The following TDRP variants were observed in gnomAD, a reference collection of about 807,000 sequenced individuals.
TDRP encodes testis development-related protein.
A neutral mutation model predicts 10.5 loss-of-function variants in TDRP; 12 were observed. That is an observed-to-expected ratio of 1.15 (90% CI 0.73 to 1.86). TDRP has a LOEUF of 1.86. TDRP is among the 40% of genes most tolerant of loss of function. The pLI, the probability that TDRP is intolerant of heterozygous loss-of-function variation, is 0.00. For missense variants in TDRP, 353 were observed against 229.2 expected (o/e 1.54, Z -3.49); for synonymous variants, 139 against 95.4 (o/e 1.46, Z -2.67).
At chr8:545,728 C>G (rs1333074341), upstream of TDRP, 1 of 151,112 alleles carries the variant, frequency 6.6e-6, no homozygotes, top group Non-Finnish European at 1.5e-5. Flanking sequence ...TCGCCCAGCC[C>G]TGGTGGGCGG....
At chr8:505,859 C>T (rs531482073) in intron 1 of TDRP, among the ~76,000 whole-genome samples, 2 of 152,132 alleles carry the variant, frequency 1.3e-5, no homozygotes, top group Non-Finnish European at 2.9e-5. Context: ...AAAGTCAGCA[C>T]GTAGGCAGAC....
rs1354372945 is a variant in TDRP, at chr8:490,580, C to G, written c.*1819G>C. The G allele has an allele frequency of 1.3e-5, 2 of 152,190 alleles. No homozygotes were observed. Among genetic ancestry groups the G allele is most frequent in the East Asian group, 3.8e-4 (2 of 5,196 alleles). 9.4% of individuals were successfully genotyped at this position (152,190 alleles called of 1,614,324 possible). A position where few individuals can be genotyped will look rare whatever the true frequency, so the allele number is the denominator to read the frequency against. ...CAAGACCATGTTAGCCAAAAACAAA[C>G]CTACACTGACTTCCGCTGGAAAGTA... On this transcript the variant is annotated 3_prime_UTR_variant, in exon 3 of 3. Transcript: ENST00000324079.
At chr8:536,739 CTA>C (rs1217240288) in intron 1 of TDRP, among the ~76,000 whole-genome samples, 62 of 152,184 alleles carry the variant, frequency 4.1e-4, no homozygotes, top group Middle Eastern at 3.4e-3. Context: ...AAATGTTTTG[CTA>C]TGTTTCAGTG....
chr8:537,743 C>G (rs1032262549), intron 1 of TDRP, among the ~76,000 whole-genome samples: 14 of 152,144 alleles, frequency 9.2e-5, no homozygotes, highest in African/African-American at 3.4e-4. Flanking sequence ...AGGACATTTC[C>G]CAGAGGAGAC....
rs139096166 is a variant in TDRP at position 529,283 on chromosome 8, G to T, written c.108+15367C>A. On this transcript the variant is annotated intron_variant, in intron 1 of 2. Transcript: ENST00000324079. ...TCCCCTAAATATACACACCTACTAT[G>T]ATCCCACGAAAATTAAAAATTAAAA... Among the ~76,000 whole-genome samples the T allele has an allele frequency of 1.3e-4, 20 of 152,152 alleles. No individual in the cohort carries two copies. In the East Asian group the frequency reaches 3.3e-3, roughly 25 times the overall value.
At chr8:542,961 C>A (rs1409680299) in intron 1 of TDRP, among the ~76,000 whole-genome samples, 1 of 151,080 alleles carries the variant, frequency 6.6e-6, no homozygotes, top group Admixed American at 6.6e-5. Context: ...CTGGAGGATA[C>A]GAGGAAGAAT....
intron 1 of TDRP, among the ~76,000 whole-genome samples, chr8:505,671 A>C (rs1319948499): frequency 6.6e-6 from 1 of 152,244 alleles, no homozygotes; most frequent in African/African-American, 2.4e-5. Context: ...GCCATCTGTC[A>C]GTGCTTCACT....
intron 1 of TDRP, among the ~76,000 whole-genome samples, chr8:537,166 C>T (rs185832287): frequency 8.3e-4 from 126 of 152,324 alleles, no homozygotes; most frequent in African/African-American, 2.9e-3. Flanking sequence ...ACTGCTGAGC[C>T]CCACGTGGGC....
intron 1 of TDRP, among the ~76,000 whole-genome samples, chr8:531,225 G>C (rs947191742): frequency 9.9e-5 from 15 of 152,170 alleles, no homozygotes; most frequent in African/African-American, 3.4e-4. Context: ...AGCTTGCCTG[G>C]GGTACTGTGA....
chr8:520,788 G>GT (rs1293480051), intron 1 of TDRP, among the ~76,000 whole-genome samples: 1 of 152,060 alleles, frequency 6.6e-6, no homozygotes, highest in East Asian at 1.9e-4. Context: ...TTTTAATCAG[G>GT]TTTTTTGTTG....
intron 1 of TDRP, among the ~76,000 whole-genome samples, chr8:541,416 C>G (rs1233903460): frequency 6.6e-6 from 1 of 152,132 alleles, no homozygotes; most frequent in African/African-American, 2.4e-5. Flanking sequence ...CATAGTGAAG[C>G]TTCATTAAAA....
At chr8:497,314 G>A (rs55838337) in intron 1 of TDRP, among the ~76,000 whole-genome samples, 18,372 of 152,228 alleles carry the variant, frequency 0.12, 1,169 homozygotes, top group African/African-American at 0.15. Flanking sequence ...GGAACTTATC[G>A]GAAACTGGAG....
At chr8:517,899 G>A (rs978344341) in intron 1 of TDRP, among the ~76,000 whole-genome samples, 3 of 152,200 alleles carry the variant, frequency 2.0e-5, no homozygotes, top group African/African-American at 7.2e-5. Flanking sequence ...ATGACATTCT[G>A]GAAAACACAA....
At chr8:504,717 T>G (rs899023965) in intron 1 of TDRP, among the ~76,000 whole-genome samples, 2 of 152,254 alleles carry the variant, frequency 1.3e-5, no homozygotes, top group Non-Finnish European at 2.9e-5. Flanking sequence ...CTTTGCCATT[T>G]ATTTCACAAT....
chr8:524,402 CA>C (rs1174780890), intron 1 of TDRP, among the ~76,000 whole-genome samples: 1 of 152,140 alleles, frequency 6.6e-6, no homozygotes, highest in African/African-American at 2.4e-5. Flanking sequence ...CACGAACATC[CA>C]CAAGAATCAA....
At chr8:532,064 T>TGAA (rs1802214239) in intron 1 of TDRP, among the ~76,000 whole-genome samples, 1 of 152,192 alleles carries the variant, frequency 6.6e-6, no homozygotes, top group African/African-American at 2.4e-5. Context: ...AACAGTTAGG[T>TGAA]GTTCAACAGT....
At chr8:540,806 TAAAAAAAA>T (rs60390652) in intron 1 of TDRP, among the ~76,000 whole-genome samples, 1 of 125,014 alleles carries the variant, frequency 8.0e-6, no homozygotes, top group African/African-American at 3.0e-5. Flanking sequence ...CTTTTTCACG[TAAAAAAAA>T]AAAAAAAAAA....
chr8:503,464 C>T (rs79016666), intron 1 of TDRP, among the ~76,000 whole-genome samples: 3,241 of 149,084 alleles, frequency 0.022, 62 homozygotes, highest in East Asian at 0.08. Flanking sequence ...CGCACCAACA[C>T]GGAATCTAGA....
intron 1 of TDRP, among the ~76,000 whole-genome samples, chr8:514,206 T>C (rs1222134952): frequency 2.0e-5 from 3 of 152,062 alleles, no homozygotes; most frequent in African/African-American, 7.2e-5. Context: ...AAAGCAACAG[T>C]AATAAAACAG....
Sources: allele counts gnomAD v4.1 joint callset (sites outside exome capture counted in the v4.1 genomes callset), GRCh38; gene constraint gnomAD v4.1.1; transcripts MANE v1.5; gene names NCBI Gene and HGNC (gene_info 2026-07-23, HGNC 2026-07-21).